Variants in MICAL3 observed in about 807,000 individuals in gnomAD.
MICAL3 encodes microtubule associated monooxygenase, calponin and LIM domain containing 3.
A neutral mutation model predicts 207.4 loss-of-function variants in MICAL3; 62 were observed. That is an observed-to-expected ratio of 0.30 (90% CI 0.24 to 0.37). MICAL3 has a LOEUF of 0.37. Among genes scored for constraint, MICAL3 ranks in the 10% least tolerant of loss-of-function variants. MICAL3 has a pLI of 1.00. For missense variants in MICAL3, 2,368 were observed against 2,635.6 expected (o/e 0.90, Z 2.22); for synonymous variants, 1,077 against 1,069.3 (o/e 1.01, Z -0.14).
chr22:17,806,012 G>T (rs1307203795), intron 29 of MICAL3, among the ~76,000 whole-genome samples: 1 of 152,184 alleles, frequency 6.6e-6, no homozygotes, highest in Non-Finnish European at 1.5e-5. Flanking sequence ...TTACAGGCGT[G>T]AGCCACCGCG....
intron 20 of MICAL3, chr22:17,834,424 T>C (rs1923141608): frequency 7.8e-7 from 1 of 1,285,672 alleles, no homozygotes; most frequent in East Asian, 5.6e-5. Context: ...CAGAAAAGAC[T>C]CTTATGCTCA....
intron 1 of MICAL3, among the ~76,000 whole-genome samples, chr22:18,016,101 T>C (rs1415578933): frequency 1.3e-5 from 2 of 152,224 alleles, no homozygotes; most frequent in African/African-American, 4.8e-5. Context: ...TATTATCATG[T>C]TGCATTCCCC....
chr22:17,800,401 G>C (rs1468856922), intron 29 of MICAL3, among the ~76,000 whole-genome samples: 1 of 152,160 alleles, frequency 6.6e-6, no homozygotes, highest in Non-Finnish European at 1.5e-5. Context: ...AGAAAGAAGG[G>C]GAGTGGCCAC....
rs1922346555 is a variant in MICAL3 at position 17,827,646 on chromosome 22, C to A, written c.3191G>T (p.Gly1064Val). 6.4e-7 allele frequency: 1 copy of A among 1,563,906 alleles called. No individual in the cohort carries two copies. Among genetic ancestry groups the A allele is most frequent in the East Asian group, 2.4e-5 (1 of 41,860 alleles). Residue 1064 changes from glycine to valine, a missense_variant and splice_region_variant, in exon 22 of 32, where the codon GGA (glycine) becomes GTA (valine). Around this residue, in one of 4 missense-constraint regions of MICAL3, gnomAD observed 1,770 missense variants for 1,863.2 expected, o/e 0.95. Transcript: ENST00000441493. Reference sequence around the variant, plus strand: ...GGCCTGGGGCTGGGAGTGTTTACCTCCGGAAGCAGAGGACTCAGAGGCCGG... The same window carrying A: ...GGCCTGGGGCTGGGAGTGTTTACCTACGGAAGCAGAGGACTCAGAGGCCGG... ...MAPASESSAS[G>V]APLDENDLEE...
intron 20 of MICAL3, among the ~76,000 whole-genome samples, chr22:17,834,962 G>A (rs1236963290): frequency 1.3e-5 from 2 of 152,208 alleles, no homozygotes; most frequent in African/African-American, 2.4e-5. Flanking sequence ...AGCAGCCGGG[G>A]CCTGTGCAAG....
chr22:18,022,275 A>G (rs1445041250), intron 1 of MICAL3, among the ~76,000 whole-genome samples: 2 of 152,100 alleles, frequency 1.3e-5, no homozygotes, highest in African/African-American at 2.4e-5. Context: ...AGGGAGAGGA[A>G]GTTTCTAGGA....
intron 2 of MICAL3, among the ~76,000 whole-genome samples, chr22:17,905,877 C>T (rs1931676531): frequency 6.6e-6 from 1 of 152,178 alleles, no homozygotes; most frequent in Admixed American, 6.5e-5. Context: ...GTGAAGAAAG[C>T]AACAGAAATA....
chr22:17,945,672 C>A (rs1370151939), intron 1 of MICAL3, among the ~76,000 whole-genome samples: 1 of 152,172 alleles, frequency 6.6e-6, no homozygotes, highest in African/African-American at 2.4e-5. Context: ...TCCACACAGC[C>A]CCCATACGCC....
chr22:17,809,867 A>G (rs430321), intron 28 of MICAL3, among the ~76,000 whole-genome samples: 76,222 of 151,846 alleles, frequency 0.5, 22,137 homozygotes, highest in African/African-American at 0.82. Context: ...GGGAAACTCA[A>G]TGCAGGGTTC....
In MICAL3 at chr22:17,896,806, T is replaced by A; in HGVS notation, c.1124A>T (p.Tyr375Phe). Residue 375 changes from tyrosine to phenylalanine, a missense_variant, in exon 8 of 32, where the codon TAT becomes TTT. This residue lies in a region of MICAL3 where 400 missense variants were observed against 547.0 expected (regional missense o/e 0.73). Coordinates refer to ENST00000441493, the MANE Select transcript of MICAL3 (RefSeq NM_015241.3). ...DVAMFDFTCM[Y>F]ASENAALVRE... ...CACCAAGGCGGCGTTCTCGGAGGCATACATACAAGTGAAGTCAAACATGGC... is the reference window on the plus strand; with the variant it reads ...CACCAAGGCGGCGTTCTCGGAGGCAAACATACAAGTGAAGTCAAACATGGC... The A allele has an allele frequency of 6.2e-7, 1 of 1,614,086 alleles. No homozygotes were observed. Among genetic ancestry groups the A allele is most frequent in the South Asian group, 1.1e-5 (1 of 91,082 alleles).
In MICAL3 at chr22:17,889,143, G is replaced by T. The variant is rs1930185963; in HGVS notation, c.1782C>A (p.Pro594=). 1 of 1,613,534 alleles carries T rather than the reference G, an allele frequency of 6.2e-7. No homozygotes were observed. Among genetic ancestry groups the T allele is most frequent in the African/African-American group, 1.3e-5 (1 of 74,884 alleles). ...AGGCCATTTCTTTGCCTGTCATGAT[G>T]GGAGAAATGCCCAATTCCTTCTCAG... ...DIAEKELGIS[P]IMTGKEMASV... is the part of the protein sequence containing the mutation. The change falls in exon 13 of 32, where the codon CCC becomes CCA. Residue 594 remains proline, a synonymous_variant. Coordinates refer to ENST00000441493, the MANE Select transcript of MICAL3 (RefSeq NM_015241.3).
At chr22:17,825,521 C>A (rs927289435) in intron 22 of MICAL3, among the ~76,000 whole-genome samples, 1 of 152,170 alleles carries the variant, frequency 6.6e-6, no homozygotes, top group Admixed American at 6.5e-5. Flanking sequence ...AGGAGCCAGC[C>A]GTCTCTGCGC....
At chr22:17,929,560 TTTC>T (rs1169961604) in intron 1 of MICAL3, among the ~76,000 whole-genome samples, 4 of 104,840 alleles carry the variant, frequency 3.8e-5, no homozygotes, top group African/African-American at 8.2e-5. Flanking sequence ...TTTCTTTCCT[TTTC>T]TTTTCTTTTT....
intron 19 of MICAL3, chr22:17,861,514 G>T: frequency 1.0e-6 from 1 of 985,428 alleles, no homozygotes; most frequent in Non-Finnish European, 1.2e-6. Flanking sequence ...GTCATCAACC[G>T]TATCAGATAA....
intron 16 of MICAL3, among the ~76,000 whole-genome samples, chr22:17,877,446 GTTA>G (rs1928873717): frequency 8.6e-6 from 1 of 116,514 alleles, no homozygotes; most frequent in East Asian, 2.3e-4. Context: ...GGTGAGGGAG[GTTA>G]TGGAGGTTAG....
Position 17,823,057 on chromosome 22 carries a change from G to T in MICAL3, c.3197C>A (p.Pro1066Gln). 6.2e-7 allele frequency: 1 copy of T among 1,601,008 alleles called. No homozygotes were observed. The highest frequency in any genetic ancestry group is 8.6e-7 in the Non-Finnish European group (1 of 1,168,170). ...PASESSASGAPLDENDLEEDV... is the reference protein window; with the variant it reads ...PASESSASGAQLDENDLEEDV... The stretch of plus-strand genomic sequence containing the variant: ...TTCCTCTAGGTCATTCTCATCCAAT[G>T]GGGCTGCAAAGCAGAAAGGTTCAAA... Residue 1066 changes from proline (P) to glutamine (Q), a missense_variant, in exon 23 of 32, where the codon CCA (proline) becomes CAA (glutamine). By Grantham distance (76) the Pro-to-Gln change is moderately conservative. Coordinates refer to ENST00000441493, the MANE Select transcript of MICAL3 (RefSeq NM_015241.3).
At chr22:17,889,429 A>G (rs1356795034) in intron 12 of MICAL3, among the ~76,000 whole-genome samples, 199 bp from the exon 13 acceptor site, 1 of 150,804 alleles carries the variant, frequency 6.6e-6, no homozygotes, top group Non-Finnish European at 1.5e-5. Context: ...AAGCAACCTC[A>G]GGAAGTGATG....
intron 1 of MICAL3, among the ~76,000 whole-genome samples, chr22:18,015,422 C>T (rs866501172): frequency 8.1e-4 from 85 of 105,538 alleles, no homozygotes; most frequent in East Asian, 1.4e-3. Flanking sequence ...TAAGACTCAT[C>T]TTTTTTTTTT....
chr22:17,863,339 T>C lies in MICAL3; in HGVS notation c.2605+1560A>G, dbSNP rs563614463. On this transcript the variant is annotated intron_variant, in intron 19 of 31. Coordinates refer to ENST00000441493, the MANE Select transcript of MICAL3 (RefSeq NM_015241.3). ...CTCAGAAAATCCATCTCTGATGAAA[T>C]AGGGCCCAGACTAATAAGGTGGTGC... 3.6e-5 allele frequency: 35 copies of C among 985,386 alleles called. No individual in the cohort carries two copies. The South Asian group carries it at 1.0e-3, about 29-fold the overall frequency. 61.0% of individuals were successfully genotyped at this position (985,386 alleles called of 1,614,324 possible). A position where few individuals can be genotyped will look rare whatever the true frequency, so the allele number is the denominator to read the frequency against.
Sources: allele counts gnomAD v4.1 joint callset (sites outside exome capture counted in the v4.1 genomes callset), GRCh38; gene constraint gnomAD v4.1.1; regional missense constraint gnomAD v4.1.1; transcripts MANE v1.5; gene names NCBI Gene and HGNC (gene_info 2026-07-23, HGNC 2026-07-21).